The following TENM2 variants were observed in gnomAD, a reference collection of about 807,000 sequenced individuals.
The protein encoded by TENM2 is teneurin-2.
Under a neutral mutation model 245.2 loss-of-function variants are expected in TENM2, and 52 were observed. That is an observed-to-expected ratio of 0.21 (90% CI 0.17 to 0.27). The LOEUF (loss-of-function observed/expected upper bound fraction) is 0.27. Ranked by LOEUF, TENM2 falls within the 10% of genes least tolerant of loss-of-function variation. The pLI is 1.00. For synonymous variants in TENM2, 1,363 were observed against 1,438.9 expected (o/e 0.95, Z 1.19); for missense variants, 3,046 against 3,666.8 (o/e 0.83, Z 4.37).
chr5:167,931,200 G>GA (rs1387696370), intron 3 of TENM2, among the ~76,000 whole-genome samples: 12 of 152,118 alleles, frequency 7.9e-5, no homozygotes, highest in African/African-American at 2.4e-4. Context: ...TGTTATCCAT[G>GA]AAAAATCTCT....
chr5:167,552,779 C>G (rs2127624499), intron 2 of TENM2, among the ~76,000 whole-genome samples: 1 of 152,292 alleles, frequency 6.6e-6, no homozygotes, highest in Middle Eastern at 3.4e-3. Context: ...TAATAGATAA[C>G]TAGAGGAGTT....
intron 3 of TENM2, among the ~76,000 whole-genome samples, chr5:167,882,269 C>G (rs1486968134): frequency 1.3e-5 from 2 of 152,188 alleles, no homozygotes; most frequent in Admixed American, 6.5e-5. Flanking sequence ...CCAGACACTT[C>G]CCCTGGAGAT....
chr5:167,722,777 A>AAAAAC (rs990432903), intron 2 of TENM2, among the ~76,000 whole-genome samples: 5 of 152,186 alleles, frequency 3.3e-5, no homozygotes, highest in East Asian at 1.9e-4. Context: ...CTCTGTCTCA[A>AAAAAC]AAAACAAAAC....
chr5:167,629,125 G>A (rs1473070450), intron 2 of TENM2, among the ~76,000 whole-genome samples: 3 of 152,132 alleles, frequency 2.0e-5, no homozygotes, highest in African/African-American at 4.8e-5. Context: ...AGAAATCCAA[G>A]GTTTCATAGC....
intron 12 of TENM2, chr5:168,149,288 C>G: frequency 2.2e-6 from 1 of 447,874 alleles, no homozygotes; most frequent in South Asian, 1.6e-5. Flanking sequence ...CACCCTTTCC[C>G]TTCATCTCCA....
chr5:167,642,835 C>T (rs1481482914), intron 2 of TENM2, among the ~76,000 whole-genome samples: 5 of 152,152 alleles, frequency 3.3e-5, no homozygotes, highest in Admixed American at 1.3e-4. Flanking sequence ...ACCAAGCCCC[C>T]CTTAGCATGT....
chr5:168,153,847 T>C (rs1244064056), intron 12 of TENM2, among the ~76,000 whole-genome samples: 1 of 152,150 alleles, frequency 6.6e-6, no homozygotes, highest in African/African-American at 2.4e-5. Flanking sequence ...TGAGAAGCAC[T>C]GCTCCAATCT....
chr5:167,813,049 G>A (rs1015296105), intron 2 of TENM2, among the ~76,000 whole-genome samples: 4 of 151,998 alleles, frequency 2.6e-5, no homozygotes, highest in African/African-American at 9.7e-5. Context: ...ACATTCCTTC[G>A]TGCTTCTGTA....
intron 6 of TENM2, among the ~76,000 whole-genome samples, chr5:168,058,068 G>A (rs247996): frequency 0.65 from 99,595 of 152,120 alleles, 33,676 homozygotes; most frequent in Non-Finnish European, 0.74. Flanking sequence ...TACCTAATGC[G>A]CCTCACATGG....
intron 12 of TENM2, among the ~76,000 whole-genome samples, chr5:168,141,582 C>G (rs1204088124): frequency 1.3e-5 from 2 of 152,144 alleles, no homozygotes; most frequent in East Asian, 1.9e-4. Context: ...GTCTCTTGAT[C>G]TAATTGGAAC....
At chr5:167,640,891 A>ATATATATATC (rs1779554771) in intron 2 of TENM2, among the ~76,000 whole-genome samples, 1 of 97,966 alleles carries the variant, frequency 1.0e-5, no homozygotes, top group East Asian at 2.7e-4. Context: ...ATATATATAT[A>ATATATATATC]TATATATATA....
chr5:167,338,416 C>T (rs963534297), intron 1 of TENM2, among the ~76,000 whole-genome samples: 3 of 152,140 alleles, frequency 2.0e-5, no homozygotes, highest in Admixed American at 6.5e-5. Flanking sequence ...GTCCTTGCTC[C>T]GACATACAGC....
intron 13 of TENM2, 77 bp from the exon 16 acceptor site, chr5:168,190,259 GT>G: frequency 8.9e-7 from 1 of 1,127,032 alleles, no homozygotes; most frequent in Non-Finnish European, 1.3e-6. Context: ...GCCTGTGCTG[GT>G]AACAAAGGTG....
chr5:167,591,460 C>T (rs1775871053), intron 2 of TENM2, among the ~76,000 whole-genome samples: 1 of 152,118 alleles, frequency 6.6e-6, no homozygotes, highest in African/African-American at 2.4e-5. Flanking sequence ...GGCTTTCTTC[C>T]AATTAATTTC....
At chr5:166,984,559 A>T in the TENM2 span, among the ~76,000 whole-genome samples, 1 of 152,138 alleles carries the variant, frequency 6.6e-6, no homozygotes, top group African/African-American at 2.4e-5. Context: ...TTACTTCAGA[A>T]AATTGTATAA....
chr5:167,270,000 A>G, the TENM2 span, among the ~76,000 whole-genome samples: 2 of 152,126 alleles, frequency 1.3e-5, no homozygotes. Context: ...ATTTCTCCTT[A>G]TCATATATGT....
At chr5:168,204,380 C>T in exon 19 of TENM2, 4 of 1,613,486 alleles carry the variant, frequency 2.5e-6, no homozygotes, top group South Asian at 2.2e-5. Flanking sequence ...AGGAATCCTA[C>T]ACAAAGGCAC....
the TENM2 span, among the ~76,000 whole-genome samples, chr5:167,220,037 A>G: frequency 2.0e-5 from 3 of 152,224 alleles, no homozygotes; most frequent in African/African-American, 7.2e-5. Flanking sequence ...ATTTGAGTAT[A>G]TACAGAAGAG....
At chr5:167,896,051 A>C (rs2151488750) in intron 3 of TENM2, among the ~76,000 whole-genome samples, 1 of 152,378 alleles carries the variant, frequency 6.6e-6, no homozygotes, top group South Asian at 2.1e-4. Flanking sequence ...GAAGAACAAA[A>C]GCAAACAGAT....
Sources: allele counts gnomAD v4.1 joint callset (sites outside exome capture counted in the v4.1 genomes callset), GRCh38; gene constraint gnomAD v4.1.1; transcripts MANE v1.5; gene names NCBI Gene and HGNC (gene_info 2026-07-23, HGNC 2026-07-21).